The following TTC39C variants were observed in gnomAD, a reference collection of about 807,000 sequenced individuals.
TTC39C encodes tetratricopeptide repeat domain 39C, also known as tetratricopeptide repeat protein 39C.
In TTC39C, 33 loss-of-function variants were observed where a neutral mutation model predicts 76.3. The ratio of observed to expected loss-of-function variants is 0.43; its 90% CI spans 0.33 to 0.58. The LOEUF is 0.58. Among genes scored for constraint, TTC39C ranks in the 20% least tolerant of loss-of-function variants. The probability of loss-of-function intolerance (pLI) is 0.04; values close to 1 mark genes in which losing one functional copy is unlikely to be tolerated. For synonymous variants in TTC39C, 254 were observed against 260.6 expected (o/e 0.97, Z 0.24); for missense variants, 595 against 701.4 (o/e 0.85, Z 1.71).
chr18:24,034,682 C>G (rs2083712398), intron 1 of TTC39C, among the ~76,000 whole-genome samples: 1 of 152,134 alleles, frequency 6.6e-6, no homozygotes, highest in African/African-American at 2.4e-5. Context: ...CTTTCTGTCT[C>G]TATGAGTTTG....
At chr18:24,094,159 A>G (rs2084561064) in intron 6 of TTC39C, among the ~76,000 whole-genome samples, 1 of 152,184 alleles carries the variant, frequency 6.6e-6, no homozygotes, top group Non-Finnish European at 1.5e-5. Context: ...TCACCAGGAG[A>G]TGCCATCTCA....
At chr18:24,032,912 G>T (rs2083688256) in intron 1 of TTC39C, among the ~76,000 whole-genome samples, 1 of 152,218 alleles carries the variant, frequency 6.6e-6, no homozygotes, top group Non-Finnish European at 1.5e-5. Flanking sequence ...AATTGGCAAT[G>T]GCTTTCGTTT....
In TTC39C at chr18:24,135,418, A is replaced by T. The variant is rs1317396150; in HGVS notation, c.*2844A>T. ...AGATGGAGCTTCTAGACTCCAAAAC[A>T]ACAAAACCACAGTGTGAGTACACTG... On this transcript the variant is annotated 3_prime_UTR_variant, in exon 14 of 14. Transcript: ENST00000317571. 1 of 152,880 alleles carries T rather than the reference A, an allele frequency of 6.5e-6. No homozygotes were observed. The highest frequency in any genetic ancestry group is 2.4e-5 in the African/African-American group (1 of 41,418). 9.5% of individuals were successfully genotyped at this position (152,880 alleles called of 1,614,324 possible).
chr18:24,050,563 CA>C (rs67885761), intron 1 of TTC39C, among the ~76,000 whole-genome samples: 5,645 of 77,020 alleles, frequency 0.073, 356 homozygotes, highest in African/African-American at 0.22. Context: ...GACCCTGTCT[CA>C]AAAAAAAAAA....
chr18:24,070,103 T>G (rs774616774), intron 4 of TTC39C, among the ~76,000 whole-genome samples: 9 of 152,218 alleles, frequency 5.9e-5, no homozygotes, highest in Non-Finnish European at 1.2e-4. Context: ...AGCCGGTTTT[T>G]CCCCCTTTTT....
At chr18:24,055,373 T>C (rs1017370479) in intron 1 of TTC39C, among the ~76,000 whole-genome samples, 11 of 152,242 alleles carry the variant, frequency 7.2e-5, no homozygotes, top group African/African-American at 2.4e-4. Context: ...AGGTTCCAGT[T>C]TCTCCACATC....
chr18:24,052,380 A>C (rs374839517), intron 1 of TTC39C, among the ~76,000 whole-genome samples: 236 of 152,312 alleles, frequency 1.5e-3, no homozygotes, highest in African/African-American at 5.2e-3. Flanking sequence ...CTTGGTGTTC[A>C]GCAAACATGT....
At chr18:24,129,773 CAAAAAAA>C (rs5823413) in intron 11 of TTC39C, among the ~76,000 whole-genome samples, 1 of 95,040 alleles carries the variant, frequency 1.1e-5, no homozygotes, top group Non-Finnish European at 2.3e-5. Flanking sequence ...GACTCCATCT[CAAAAAAA>C]AAAAAAAAAA....
intron 10 of TTC39C, among the ~76,000 whole-genome samples, chr18:24,128,025 C>T (rs371189445): frequency 1.1e-4 from 17 of 152,124 alleles, no homozygotes; most frequent in East Asian, 3.9e-4. Flanking sequence ...TTGCTCAGCA[C>T]GGTCCTCCTC....
chr18:24,131,389 C>T (rs1242895034), intron 12 of TTC39C, among the ~76,000 whole-genome samples: 4 of 151,656 alleles, frequency 2.6e-5, no homozygotes, highest in Non-Finnish European at 5.9e-5. Flanking sequence ...AAGTAATGTC[C>T]TCATGTAAAT....
intron 1 of TTC39C, among the ~76,000 whole-genome samples, chr18:24,059,842 G>A (rs1240927170): frequency 6.6e-6 from 1 of 152,318 alleles, no homozygotes; most frequent in East Asian, 1.9e-4. Flanking sequence ...TTAACTCATA[G>A]TTCCACATGG....
chr18:24,062,602 G>A (rs1159826094), intron 1 of TTC39C, among the ~76,000 whole-genome samples: 1 of 147,096 alleles, frequency 6.8e-6, no homozygotes. Context: ...TTCCTCACAA[G>A]GGAATTGACC....
At chr18:24,107,804 C>T (rs889715449) in intron 6 of TTC39C, among the ~76,000 whole-genome samples, 3 of 151,616 alleles carry the variant, frequency 2.0e-5, no homozygotes, top group Non-Finnish European at 2.9e-5. Flanking sequence ...GCCACCCAGG[C>T]GGGAGTGCAG....
intron 1 of TTC39C, among the ~76,000 whole-genome samples, chr18:24,005,826 C>G (rs1181327450): frequency 6.7e-6 from 1 of 150,150 alleles, no homozygotes; most frequent in Non-Finnish European, 1.5e-5. Context: ...GCATGGCCGA[C>G]TGAGTGAGAC....
chr18:24,118,093 A>G lies in TTC39C; in HGVS notation c.1079-32A>G, dbSNP rs368026696. ...TATGGGTCATAGAGCTCAGTACTTT[A>G]GGGTCATGTGCTAAAAATATTTCTT... On this transcript the variant is annotated intron_variant, in intron 7 of 13. Coordinates refer to ENST00000317571, the MANE Select transcript of TTC39C (RefSeq NM_001135993.2). 12 of 1,583,522 alleles carry G rather than the reference A, an allele frequency of 7.6e-6. No homozygotes were observed. In the African/African-American group the frequency reaches 1.3e-4, roughly 18 times the overall value.
chr18:24,129,252 TGGAGAGA>T (rs1014796839), intron 11 of TTC39C, among the ~76,000 whole-genome samples: 2 of 152,270 alleles, frequency 1.3e-5, no homozygotes, highest in African/African-American at 4.8e-5. Flanking sequence ...CAGCCTCCAC[TGGAGAGA>T]GGAGGACATG....
rs1357931946 is a variant in TTC39C at position 24,080,588 on chromosome 18, A to G, written c.464A>G (p.Tyr155Cys). 1 of 1,585,512 alleles carries G rather than the reference A, an allele frequency of 6.3e-7. No homozygotes were observed. The highest frequency in any genetic ancestry group is 8.6e-7 in the Non-Finnish European group (1 of 1,167,958). The change falls in exon 5 of 14, where the codon TAT becomes TGT. Residue 155 changes from tyrosine to cysteine, a missense_variant. Coordinates refer to ENST00000317571, the MANE Select transcript of TTC39C (RefSeq NM_001135993.2). The part of the protein sequence containing the change: ...LSFVKQELSA[Y>C]IKGGWILRKA... ...TTTTCTCCCCTTCTCTTTTTAGCTT[A>G]TATCAAAGGTGGGTGGATCCTTAGG... is the stretch of plus-strand genomic sequence containing the variant.
Position 24,123,901 on chromosome 18 carries a change from C to G in TTC39C, c.1254C>G (p.Phe418Leu). 2 of 1,612,726 alleles carry G rather than the reference C, an allele frequency of 1.2e-6. No individual in the cohort carries two copies. The highest frequency in any genetic ancestry group is 1.7e-6 in the Non-Finnish European group (2 of 1,179,614). The stretch of plus-strand genomic sequence containing the variant: ...TCTTTAAAGAAGTTCAGAAACTCTT[C>G]AAAAGGAAAAACAATCAGATTGAAC... ...QIVFKEVQKL[F>L]KRKNNQIEQF... The change falls in exon 9 of 14, where the codon TTC becomes TTG. Residue 418 changes from phenylalanine (F) to leucine (L), a missense_variant. Physicochemically the swap from Phe to Leu is conservative, Grantham distance 22 (BLOSUM62 0). Coordinates refer to ENST00000317571, the MANE Select transcript of TTC39C (RefSeq NM_001135993.2).
At chr18:24,041,984 A>G (rs1013126037) in intron 1 of TTC39C, among the ~76,000 whole-genome samples, 6 of 152,272 alleles carry the variant, frequency 3.9e-5, no homozygotes, top group Middle Eastern at 3.4e-3. Context: ...TTATGCTTTC[A>G]TTGCATATTT....
Sources: allele counts gnomAD v4.1 joint callset (sites outside exome capture counted in the v4.1 genomes callset), GRCh38; gene constraint gnomAD v4.1.1; transcripts MANE v1.5; gene names NCBI Gene and HGNC (gene_info 2026-07-23, HGNC 2026-07-21).